Variants in CHD7 observed in about 807,000 individuals in gnomAD.
CHD7 encodes ATP-dependent chromatin remodeler CHD7.
In CHD7, 24 loss-of-function variants were observed where a neutral mutation model predicts 307.3. The observed-to-expected ratio is 0.08, with a 90% CI of 0.06 to 0.11. CHD7 has a LOEUF of 0.11. Among genes scored for constraint, CHD7 ranks in the 10% least tolerant of loss-of-function variants. The pLI is 1.00. For synonymous variants in CHD7, 1,363 were observed against 1,349.9 expected (o/e 1.01, Z -0.21); for missense variants, 3,106 against 3,727.1 (o/e 0.83, Z 4.34).
intron 1 of CHD7, among the ~76,000 whole-genome samples, chr8:60,715,543 T>G (rs1807555478): frequency 6.6e-6 from 1 of 152,044 alleles, no homozygotes; most frequent in African/African-American, 2.4e-5. Context: ...GGTCTCAAAC[T>G]CCTGATCTCA....
At chr8:60,843,362 A>G (rs1253330349) in intron 21 of CHD7, among the ~76,000 whole-genome samples, 2 of 152,216 alleles carry the variant, frequency 1.3e-5, no homozygotes, top group Non-Finnish European at 2.9e-5. Flanking sequence ...CAGCACAATC[A>G]TCAGATTTGA....
Position 60,741,564 on chromosome 8 carries a change from C to A in CHD7, c.132C>A (p.Asp44Glu). ...CTATGGGTCAGCAAATGCCAATAGA[C>A]CAAGGCTTTGCCTCTTTACAGCCAT... ...VNPMGQQMPIDQGFASLQPSL... is the reference protein window; with the variant it reads ...VNPMGQQMPIEQGFASLQPSL... The change falls in exon 2 of 38, where the codon GAC (aspartate) becomes GAA (glutamate). Residue 44 changes from aspartate to glutamate, a missense_variant. By Grantham distance (45) the Asp-to-Glu change is conservative. Transcript: ENST00000423902. 1 of 1,613,612 alleles carries A rather than the reference C, an allele frequency of 6.2e-7. No individual in the cohort carries two copies. Among genetic ancestry groups the A allele is most frequent in the Non-Finnish European group, 8.5e-7 (1 of 1,179,742 alleles).
At position 60,851,189 on chromosome 8, in the gene CHD7, A is replaced by G. The variant is rs1805438730; in HGVS notation, c.5608-73A>G. On this transcript the variant is annotated intron_variant, in intron 27 of 37. Coordinates refer to ENST00000423902, the MANE Select transcript of CHD7 (RefSeq NM_017780.4). ...GACTTGTTAAACTTTATAGATAATG[A>G]CCTTTTCTTTAAAAGACAAAGAAAA... 2.7e-6 allele frequency: 4 copies of G among 1,483,304 alleles called. No homozygotes were observed. The South Asian group carries it at 3.6e-5, about 14-fold the overall frequency. 91.9% of individuals were successfully genotyped at this position (1,483,304 alleles called of 1,614,324 possible).
At chr8:60,788,669 G>A (rs984478172) in intron 3 of CHD7, among the ~76,000 whole-genome samples, 23 of 152,170 alleles carry the variant, frequency 1.5e-4, no homozygotes, top group Admixed American at 5.2e-4. Flanking sequence ...CAGGCCAGAC[G>A]CCTGAGAACC....
rs111863846 is a variant in CHD7 at position 60,830,594 on chromosome 8, C to T, written c.3778+17C>T. On this transcript the variant is annotated intron_variant, in intron 15 of 37. Coordinates refer to ENST00000423902, the MANE Select transcript of CHD7 (RefSeq NM_017780.4). ...TTATCAATGGTAAGGCTGCCCTGCT[C>T]GCGAACTTGCTTAAGTGACGATTGA... The T allele has an allele frequency of 1.1e-4, 173 of 1,607,192 alleles. 1 individual carries two copies. The highest frequency in any genetic ancestry group is 6.6e-4 in the Middle Eastern group (4 of 6,024).
chr8:60,689,058 T>G (rs1044235691), intron 1 of CHD7, among the ~76,000 whole-genome samples: 2 of 152,176 alleles, frequency 1.3e-5, no homozygotes, highest in African/African-American at 4.8e-5. Flanking sequence ...GTAGCCTACT[T>G]AGAATCTCAC....
At position 60,854,397 on chromosome 8, in the gene CHD7, A is replaced by G. The variant is rs1458618196; in HGVS notation, c.6810A>G (p.Glu2270=). The G allele has an allele frequency of 6.2e-7, 1 of 1,613,760 alleles. No homozygotes were observed. The highest frequency in any genetic ancestry group is 2.2e-5 in the East Asian group (1 of 44,872). ...TCTCTAGAGGGAAGAATTTTGATGA[A>G]GAAAGCAATGCTTCCATGAGCACTG... The part of the protein sequence containing the change: ...GAVSRGKNFD[E]ESNASMSTAR... The change falls in exon 32 of 38, where the codon GAA becomes GAG. Residue 2270 remains glutamate (E), a synonymous_variant. Transcript: ENST00000423902.
At chr8:60,817,906 C>T (rs1183290474) in intron 8 of CHD7, among the ~76,000 whole-genome samples, 2 of 152,032 alleles carry the variant, frequency 1.3e-5, no homozygotes, top group African/African-American at 4.8e-5. Context: ...TGGTAGCTTT[C>T]CCCCCATCCC....
At chr8:60,805,161 G>A (rs566393516) in intron 6 of CHD7, among the ~76,000 whole-genome samples, 91 of 152,264 alleles carry the variant, frequency 6.0e-4, no homozygotes, top group Non-Finnish European at 1.1e-3. Context: ...TGTCAACAGA[G>A]GCTGGTCAAA....
intron 2 of CHD7, among the ~76,000 whole-genome samples, chr8:60,762,109 C>T (rs563118999): frequency 6.6e-6 from 1 of 152,334 alleles, no homozygotes; most frequent in South Asian, 2.1e-4. Flanking sequence ...GTCATCTCTT[C>T]ATGGGCCCTT....
At chr8:60,724,596 G>T (rs940441070) in intron 1 of CHD7, among the ~76,000 whole-genome samples, 2 of 152,150 alleles carry the variant, frequency 1.3e-5, no homozygotes, top group African/African-American at 4.8e-5. Flanking sequence ...TGTAAAGAGA[G>T]TGTTTGAGCC....
At chr8:60,786,226 C>A (rs1332024851) in intron 3 of CHD7, among the ~76,000 whole-genome samples, 1 of 152,214 alleles carries the variant, frequency 6.6e-6, no homozygotes, top group South Asian at 2.1e-4. Flanking sequence ...TCAGTGGCCC[C>A]ATTGTGGCCC....
At chr8:60,696,218 G>C (rs772339278) in intron 1 of CHD7, among the ~76,000 whole-genome samples, 6 of 152,066 alleles carry the variant, frequency 3.9e-5, no homozygotes, top group Non-Finnish European at 8.8e-5. Flanking sequence ...TCTATGACCA[G>C]GTGTCTACAA....
intron 6 of CHD7, among the ~76,000 whole-genome samples, chr8:60,805,089 A>C (rs1352066951): frequency 6.6e-6 from 1 of 152,184 alleles, no homozygotes; most frequent in Non-Finnish European, 1.5e-5. Context: ...TGCCTGTTGT[A>C]GAATGGCTTC....
At chr8:60,840,189 T>G (rs1485420969) in intron 19 of CHD7, among the ~76,000 whole-genome samples, 2 of 152,218 alleles carry the variant, frequency 1.3e-5, no homozygotes, top group Non-Finnish European at 2.9e-5. Context: ...AACGTTCGTT[T>G]TGCATGTGGC....
intron 2 of CHD7, among the ~76,000 whole-genome samples, chr8:60,762,995 G>A (rs1034023837): frequency 6.6e-6 from 1 of 152,090 alleles, no homozygotes; most frequent in Non-Finnish European, 1.5e-5. Flanking sequence ...GGTTGGTGGG[G>A]GGGCGGCAGG....
rs1015190633 is a variant in CHD7, at chr8:60,741,694, A to G, written c.262A>G (p.Arg88Gly). 6.2e-7 allele frequency: 1 copy of G among 1,614,026 alleles called. No individual in the cohort carries two copies. The highest frequency in any genetic ancestry group is 8.5e-7 in the Non-Finnish European group (1 of 1,179,880). Residue 88 changes from arginine (R) to glycine (G), a missense_variant, in exon 2 of 38, where the codon AGA becomes GGA. By Grantham distance (125) the Arg-to-Gly change is moderately radical. Transcript: ENST00000423902. ...GATGCATCTGATGGATCAGCCGAAC[A>G]GAATGATGAGCAACACCCCTGGGAA... ...QKMHLMDQPN[R>G]MMSNTPGNGL...
chr8:60,811,991 G>A (rs572018973), intron 7 of CHD7, among the ~76,000 whole-genome samples: 1 of 152,170 alleles, frequency 6.6e-6, no homozygotes, highest in African/African-American at 2.4e-5. Flanking sequence ...TGTGTCTTTT[G>A]CTCATTTTCT....
chr8:60,741,067 A>T (rs1194500664), intron 1 of CHD7, among the ~76,000 whole-genome samples, 192 bp from the exon 2 acceptor site: 3 of 152,256 alleles, frequency 2.0e-5, no homozygotes, highest in Admixed American at 2.0e-4. Flanking sequence ...GATCATAATG[A>T]TGCTTCTGGT....
Sources: allele counts gnomAD v4.1 joint callset (sites outside exome capture counted in the v4.1 genomes callset), GRCh38; gene constraint gnomAD v4.1.1; transcripts MANE v1.5; gene names NCBI Gene and HGNC (gene_info 2026-07-23, HGNC 2026-07-21).